The following SEL1L2 variants were observed in gnomAD, a reference collection of about 807,000 sequenced individuals.
The protein encoded by SEL1L2 is protein sel-1 homolog 2.
Under a neutral mutation model 98.8 loss-of-function variants are expected in SEL1L2, and 89 were observed. The ratio of observed to expected loss-of-function variants is 0.90; its 90% confidence interval spans 0.76 to 1.07. The LOEUF (loss-of-function observed/expected upper bound fraction) is 1.07, where lower values mean the gene tolerates loss of function less well. Among genes scored for constraint, SEL1L2 ranks in the 50% least tolerant of loss-of-function variants. SEL1L2 has a pLI of 0.00. For synonymous variants in SEL1L2, 262 were observed against 278.5 expected (o/e 0.94, Z 0.59); for missense variants, 788 against 812.0 (o/e 0.97, Z 0.36).
At chr20:13,855,932 G>A (rs1465569610) in intron 18 of SEL1L2, among the ~76,000 whole-genome samples, 1 of 152,180 alleles carries the variant, frequency 6.6e-6, no homozygotes, top group Non-Finnish European at 1.5e-5. Context: ...GGTGAACAGA[G>A]TCATCTCGGT....
chr20:13,875,574 C>G (rs1224458712), intron 12 of SEL1L2, among the ~76,000 whole-genome samples: 2 of 152,220 alleles, frequency 1.3e-5, no homozygotes, highest in Non-Finnish European at 2.9e-5. Context: ...TCCTCCCTGA[C>G]AAGCTCCCGC....
At chr20:13,940,553 C>T (rs894339629) in intron 2 of SEL1L2, among the ~76,000 whole-genome samples, 3 of 152,100 alleles carry the variant, frequency 2.0e-5, no homozygotes, top group Non-Finnish European at 2.9e-5. Context: ...GAAGATATTG[C>T]GATCCTAGGA....
intron 1 of SEL1L2, among the ~76,000 whole-genome samples, chr20:13,973,053 A>G (rs1033937565): frequency 6.6e-6 from 1 of 151,996 alleles, no homozygotes; most frequent in African/African-American, 2.4e-5. Context: ...CTTAACCTTT[A>G]TTTCATATGT....
At chr20:13,863,870 T>C (rs895328672) in intron 17 of SEL1L2, among the ~76,000 whole-genome samples, 1 of 150,946 alleles carries the variant, frequency 6.6e-6, no homozygotes, top group African/African-American at 2.4e-5. Flanking sequence ...CTTGGTAGGC[T>C]GAGGCAGGAG....
chr20:13,936,644 A>G (rs1482636736), intron 2 of SEL1L2, among the ~76,000 whole-genome samples: 1 of 152,132 alleles, frequency 6.6e-6, no homozygotes, highest in Non-Finnish European at 1.5e-5. Context: ...CCTCCTGCGC[A>G]CCAAACTATC....
chr20:13,925,255 T>G (rs919384799), intron 3 of SEL1L2, among the ~76,000 whole-genome samples: 7 of 152,208 alleles, frequency 4.6e-5, no homozygotes, highest in Admixed American at 3.9e-4. Context: ...AATTGTGAGA[T>G]TGTTTCTCTA....
intron 1 of SEL1L2, among the ~76,000 whole-genome samples, chr20:13,974,541 T>C (rs1257335816): frequency 7.4e-6 from 1 of 135,784 alleles, no homozygotes; most frequent in Non-Finnish European, 1.5e-5. Context: ...TGCAGTGGCA[T>C]GATCCTGGCT....
chr20:13,961,530 T>A (rs2050771650), intron 1 of SEL1L2, among the ~76,000 whole-genome samples: 1 of 152,176 alleles, frequency 6.6e-6, no homozygotes, highest in African/African-American at 2.4e-5. Flanking sequence ...ATAAGGTTTT[T>A]AAAAGTGTTG....
At chr20:13,878,556 T>C (rs1305413484) in intron 10 of SEL1L2, among the ~76,000 whole-genome samples, 1 of 152,216 alleles carries the variant, frequency 6.6e-6, no homozygotes, top group Non-Finnish European at 1.5e-5. Context: ...TGCAAAGACG[T>C]TCCTTCTCAA....
At chr20:13,987,849 G>C (rs890164030) in intron 1 of SEL1L2, among the ~76,000 whole-genome samples, 1 of 152,198 alleles carries the variant, frequency 6.6e-6, no homozygotes, top group Admixed American at 6.5e-5. Context: ...TTGATGAGTT[G>C]TAAGGTTCTT....
At chr20:13,960,694 G>A (rs1232657913) in intron 1 of SEL1L2, among the ~76,000 whole-genome samples, 2 of 151,962 alleles carry the variant, frequency 1.3e-5, no homozygotes, top group African/African-American at 4.8e-5. Flanking sequence ...ATTGGTGATT[G>A]CTAGAGATCT....
At chr20:13,850,999 G>C (rs1475628188) in intron 18 of SEL1L2, among the ~76,000 whole-genome samples, 1 of 152,164 alleles carries the variant, frequency 6.6e-6, no homozygotes, top group East Asian at 1.9e-4. Context: ...TACTTTGGGA[G>C]GCCAAGGCAG....
At chr20:13,896,107 G>A (rs2047411875) in intron 5 of SEL1L2, among the ~76,000 whole-genome samples, 1 of 152,264 alleles carries the variant, frequency 6.6e-6, no homozygotes, top group South Asian at 2.1e-4. Context: ...CCTGGGAGGC[G>A]GAGGTTGCAG....
intron 14 of SEL1L2, among the ~76,000 whole-genome samples, chr20:13,868,821 T>C (rs1057160542): frequency 6.6e-6 from 1 of 152,046 alleles, no homozygotes; most frequent in Non-Finnish European, 1.5e-5. Context: ...TTGGCCAGGC[T>C]GGTCTCGAAT....
At chr20:13,852,867 TTC>T (rs1988503764) in intron 18 of SEL1L2, among the ~76,000 whole-genome samples, 1 of 152,202 alleles carries the variant, frequency 6.6e-6, no homozygotes, top group African/African-American at 2.4e-5. Flanking sequence ...TAAAAAAAAT[TTC>T]TTATACTGGG....
intron 5 of SEL1L2, among the ~76,000 whole-genome samples, chr20:13,908,717 G>A (rs1236840172): frequency 6.6e-6 from 1 of 152,078 alleles, no homozygotes; most frequent in Non-Finnish European, 1.5e-5. Context: ...CTCATTATTT[G>A]AAAGGTACAG....
At chr20:13,866,673 C>A in intron 15 of SEL1L2, 29 bp downstream of exon 15, 1 of 1,494,632 alleles carries the variant, frequency 6.7e-7, no homozygotes, top group Non-Finnish European at 8.9e-7. Context: ...ATGACAAGTG[C>A]TTTAAAAACA....
intron 5 of SEL1L2, among the ~76,000 whole-genome samples, chr20:13,904,044 C>G (rs1338169899): frequency 6.6e-6 from 1 of 152,078 alleles, no homozygotes; most frequent in African/African-American, 2.4e-5. Flanking sequence ...TCAATTAAAA[C>G]AAAAGTACAT....
At chr20:13,870,728 T>C (rs2046147748) in intron 12 of SEL1L2, among the ~76,000 whole-genome samples, 1 of 151,834 alleles carries the variant, frequency 6.6e-6, no homozygotes, top group Non-Finnish European at 1.5e-5. Flanking sequence ...TTCGAGACCA[T>C]CCTGGCCAAC....
Sources: allele counts gnomAD v4.1 joint callset (sites outside exome capture counted in the v4.1 genomes callset), GRCh38; gene constraint gnomAD v4.1.1; transcripts MANE v1.5; gene names NCBI Gene and HGNC (gene_info 2026-07-23, HGNC 2026-07-21).